Variants in ANKRD36 observed in about 807,000 individuals in gnomAD.
ANKRD36 encodes ankyrin repeat domain-containing protein 36A.
A neutral mutation model predicts 278.1 loss-of-function variants in ANKRD36; 179 were observed. The ratio of observed to expected loss-of-function variants is 0.64; its 90% CI spans 0.57 to 0.73. The LOEUF is 0.73. Among genes scored for constraint, ANKRD36 ranks in the 30% least tolerant of loss-of-function variants. The pLI, the probability that ANKRD36 is intolerant of heterozygous loss-of-function variation, is 0.00. For synonymous variants in ANKRD36, 320 were observed against 641.1 expected, an observed-to-expected ratio of 0.50 and a Z score of 7.57; for missense variants, 1,159 against 1,956.7, an observed-to-expected ratio of 0.59 and a Z score of 7.69.
At chr2:97,180,779 A>T (rs2055956063) in intron 24 of ANKRD36, among the ~76,000 whole-genome samples, 1 of 151,708 alleles carries the variant, frequency 6.6e-6, no homozygotes, top group African/African-American at 2.4e-5. Context: ...TAGAAACAAA[A>T]ATGATGTTGA....
chr2:97,160,908 A>C (rs1445332676), intron 17 of ANKRD36, among the ~76,000 whole-genome samples: 8 of 152,080 alleles, frequency 5.3e-5, no homozygotes, highest in Non-Finnish European at 1.2e-4. Context: ...AGATGACCAT[A>C]ATATTCCAGA....
Position 97,181,645 on chromosome 2 carries a change from A to G in ANKRD36, c.1764+19A>G. 2 of 1,603,038 alleles carry G rather than the reference A, an allele frequency of 1.2e-6. No individual in the cohort carries two copies. The highest frequency in any genetic ancestry group is 1.7e-6 in the Non-Finnish European group (2 of 1,178,168). Reference sequence around the variant, plus strand: ...TGAGAAGGTAATTAAAGTCTCATTTATATGTTGAACTATTAACTGTATAGT... The same window carrying G: ...TGAGAAGGTAATTAAAGTCTCATTTGTATGTTGAACTATTAACTGTATAGT... On this transcript the variant is annotated intron_variant, in intron 25 of 75. Coordinates refer to ENST00000420699, the MANE Select transcript of ANKRD36 (RefSeq NM_001354587.1).
intron 66 of ANKRD36, among the ~76,000 whole-genome samples, chr2:97,224,451 T>TG (rs2068714647): frequency 7.0e-6 from 1 of 142,028 alleles, no homozygotes; most frequent in Non-Finnish European, 1.5e-5. Context: ...TTTGTTTTTT[T>TG]GTTTTTTTTT....
At chr2:97,147,834 TG>T (rs754130591) in intron 11 of ANKRD36, among the ~76,000 whole-genome samples, 5 of 151,924 alleles carry the variant, frequency 3.3e-5, no homozygotes, top group Middle Eastern at 3.2e-3. Flanking sequence ...TTTGGTTTAA[TG>T]CAAGTTTGAT....
intron 18 of ANKRD36, 137 bp downstream of exon 18, chr2:97,162,275 A>T: frequency 1.2e-6 from 1 of 852,818 alleles, no homozygotes; most frequent in Non-Finnish European, 1.6e-6. Flanking sequence ...ATTTTTGAAA[A>T]TAAATATAAC....
At chr2:97,181,522 G>A (rs201815388) in intron 24 of ANKRD36, 76 bp from the exon 25 acceptor site, 7 of 1,588,530 alleles carry the variant, frequency 4.4e-6, no homozygotes, top group Admixed American at 3.5e-5. Flanking sequence ...ACAGCTTGAT[G>A]CTAACACTGC....
chr2:97,213,490 G>T, intron 59 of ANKRD36, 43 bp downstream of exon 59: 1 of 553,508 alleles, frequency 1.8e-6, no homozygotes, highest in East Asian at 3.3e-5. Flanking sequence ...TAACTGTGTG[G>T]TCTATGAAAC....
intron 6 of ANKRD36, among the ~76,000 whole-genome samples, chr2:97,138,603 C>G (rs901824767): frequency 1.3e-5 from 2 of 151,842 alleles, no homozygotes; most frequent in Non-Finnish European, 1.5e-5. Flanking sequence ...TCATATGGAA[C>G]CAAAAAAAGA....
At chr2:97,240,464 C>T (rs1481693246) in intron 68 of ANKRD36, among the ~76,000 whole-genome samples, 2 of 129,772 alleles carry the variant, frequency 1.5e-5, no homozygotes, top group Admixed American at 8.2e-5. Flanking sequence ...CTGCACATCT[C>T]CAGGATTTGT....
rs536599505 is a variant in ANKRD36 at position 97,197,723 on chromosome 2, G to A, written c.2654-740G>A. On this transcript the variant is annotated intron_variant, in intron 42 of 75. Coordinates refer to ENST00000420699, the MANE Select transcript of ANKRD36 (RefSeq NM_001354587.1). ...AAAAACTGATCAATATCTAATGCTT[G>A]TAGCTGTTTTACTTTGTATAGGTAT... 3.1e-3 allele frequency among the ~76,000 whole-genome samples: 474 copies of A among 151,942 alleles called. 1 individual carries two copies. Among genetic ancestry groups the A allele is most frequent in the South Asian group, 3.5e-3 (17 of 4,790 alleles).
chr2:97,212,032 G>A (rs2064799841), intron 58 of ANKRD36, among the ~76,000 whole-genome samples: 1 of 151,838 alleles, frequency 6.6e-6, no homozygotes, highest in South Asian at 2.1e-4. Flanking sequence ...TAATTCTACA[G>A]CATGTTTCCA....
intron 64 of ANKRD36, among the ~76,000 whole-genome samples, chr2:97,218,742 T>C (rs548298773): frequency 1.2e-4 from 19 of 152,216 alleles, no homozygotes; most frequent in African/African-American, 4.6e-4. Context: ...GACTTGCTCC[T>C]CTGATTTTAG....
intron 42 of ANKRD36, among the ~76,000 whole-genome samples, chr2:97,197,184 A>T (rs1317029667): frequency 1.3e-5 from 2 of 151,930 alleles, no homozygotes; most frequent in African/African-American, 4.8e-5. Flanking sequence ...AATAACCCGT[A>T]CACACTGTAG....
Position 97,201,143 on chromosome 2 carries a change from T to G in ANKRD36, c.2857+618T>G, listed in dbSNP as rs559069741. Among the ~76,000 whole-genome samples the G allele has an allele frequency of 1.9e-3, 284 of 151,998 alleles. 3 individuals carry two copies. The highest frequency in any genetic ancestry group is 4.2e-3 in the South Asian group (20 of 4,792). ...CAACTGCTGGAAGCAGGAAACAGTG[T>G]TTGAATTGGCATAAAAACACAATAA... On this transcript the variant is annotated intron_variant, in intron 46 of 75. Coordinates refer to ENST00000420699, the MANE Select transcript of ANKRD36 (RefSeq NM_001354587.1).
Position 97,113,749 on chromosome 2 carries a change from G to A in ANKRD36, c.10G>A (p.Gly4Ser). 2 of 1,610,712 alleles carry A rather than the reference G, an allele frequency of 1.2e-6. No individual in the cohort carries two copies. Among genetic ancestry groups the A allele is most frequent in the African/African-American group, 1.3e-5 (1 of 74,976 alleles). ...TTTGCAGCCGACGATTATGGAAGAC[G>A]GCAAGCGGGAGAGGTGGCCCACCCT... MED[G>S]KRERWPTLME... The change falls in exon 1 of 76, where the codon GGC becomes AGC. Residue 4 changes from glycine to serine, a missense_variant. Physicochemically the swap from Gly to Ser is moderately conservative, Grantham distance 56. Transcript: ENST00000420699.
intron 1 of ANKRD36, among the ~76,000 whole-genome samples, chr2:97,117,483 T>G (rs1228004119): frequency 2.6e-5 from 4 of 152,036 alleles, no homozygotes; most frequent in Admixed American, 6.6e-5. Flanking sequence ...AATAAACAAT[T>G]AATTGTAAAC....
At chr2:97,176,010 T>C (rs1368349971) in intron 22 of ANKRD36, among the ~76,000 whole-genome samples, 8 of 151,788 alleles carry the variant, frequency 5.3e-5, no homozygotes, top group Non-Finnish European at 7.4e-5. Flanking sequence ...TAATTTCTGT[T>C]CTTTTACATT....
intron 54 of ANKRD36, among the ~76,000 whole-genome samples, chr2:97,208,337 A>G (rs1307701610): frequency 6.8e-6 from 1 of 146,652 alleles, no homozygotes; most frequent in African/African-American, 2.7e-5. Flanking sequence ...GAGAGGAAGT[A>G]TAGAATTTAC....
At chr2:97,208,725 C>T (rs2153619216) in intron 54 of ANKRD36, among the ~76,000 whole-genome samples, 1 of 146,600 alleles carries the variant, frequency 6.8e-6, no homozygotes, top group East Asian at 2.0e-4. Context: ...ATGAGATAAT[C>T]TTGAATGTGA....
Sources: gnomAD v4.1 joint callset for allele counts (sites outside exome capture counted in the v4.1 genomes callset) on GRCh38, gnomAD v4.1.1 for gene constraint, MANE v1.5 for transcripts, NCBI Gene and HGNC (gene_info 2026-07-23, HGNC 2026-07-21) for gene names.